ST6GAL1: variants seen among roughly 807,000 people sequenced by gnomAD.
The protein encoded by ST6GAL1 is ST6 beta-galactoside alpha-2,6-sialyltransferase 1, also known as beta-galactoside alpha-2,6-sialyltransferase 1.
ST6GAL1 carries 20 observed loss-of-function variants against 38.0 expected under a neutral mutation model. The observed-to-expected ratio is 0.53, with a 90% CI of 0.37 to 0.77. The LOEUF is 0.77. Among genes scored for constraint, ST6GAL1 ranks in the 30% least tolerant of loss-of-function variants. The pLI is 0.00. For synonymous variants in ST6GAL1, 196 were observed against 188.2 expected, an observed-to-expected ratio of 1.04 and a Z score of -0.34; for missense variants, 432 against 496.4, an observed-to-expected ratio of 0.87 and a Z score of 1.23.
In ST6GAL1 at chr3:186,954,969, AC is replaced by A. The variant is rs1218399484; in HGVS notation, c.-324-8815del. Reference sequence around the variant, plus strand: ...TAGGGTTTTTATAGTTTTGGGTTTTACATTTAAGTCTTTAATCCATCTTGAG... The same window carrying A: ...TAGGGTTTTTATAGTTTTGGGTTTTAATTTAAGTCTTTAATCCATCTTGAG... On this transcript the variant is annotated intron_variant, in intron 1 of 7. Transcript: ENST00000169298. 2.0e-5 allele frequency among the ~76,000 whole-genome samples: 3 copies of A among 152,290 alleles called. No individual in the cohort carries two copies. The East Asian group carries it at 5.8e-4, about 29-fold the overall frequency.
chr3:187,030,231 C>T (rs983693197), intron 2 of ST6GAL1, among the ~76,000 whole-genome samples: 5 of 152,060 alleles, frequency 3.3e-5, no homozygotes, highest in Non-Finnish European at 7.4e-5. Flanking sequence ...TAAGTGGGGT[C>T]ATAGGTAGCG....
At chr3:186,937,926 C>T (rs1433428409) in intron 1 of ST6GAL1, among the ~76,000 whole-genome samples, 2 of 151,958 alleles carry the variant, frequency 1.3e-5, no homozygotes, top group African/African-American at 4.8e-5. Context: ...TACAAAAAAA[C>T]AGCCAGGCGT....
intron 5 of ST6GAL1, among the ~76,000 whole-genome samples, chr3:187,071,076 C>T (rs79951218): frequency 0.032 from 4,902 of 152,160 alleles, 283 homozygotes; most frequent in African/African-American, 0.11. Context: ...GCACACAGGC[C>T]GTCTCTCTTG....
intron 2 of ST6GAL1, among the ~76,000 whole-genome samples, chr3:187,012,728 C>T (rs1716997404): frequency 3.9e-5 from 6 of 152,220 alleles, no homozygotes; most frequent in Admixed American, 3.9e-4. Context: ...GGGCTGCCAG[C>T]CTGCCTGTGA....
chr3:186,967,284 T>C (rs1043018984), intron 2 of ST6GAL1, among the ~76,000 whole-genome samples: 3 of 152,202 alleles, frequency 2.0e-5, no homozygotes, highest in African/African-American at 4.8e-5. Context: ...CTCCGCCTCC[T>C]GGGTTCAAGC....
intron 1 of ST6GAL1, among the ~76,000 whole-genome samples, chr3:186,950,502 AG>A (rs1714540185): frequency 1.3e-5 from 2 of 152,312 alleles, no homozygotes; most frequent in Admixed American, 1.3e-4. Flanking sequence ...GCCTCCTCAG[AG>A]GGAGTGGGAC....
chr3:186,948,557 G>C (rs1277359335), intron 1 of ST6GAL1: 3 of 153,318 alleles, frequency 2.0e-5, no homozygotes, highest in African/African-American at 4.9e-5. Context: ...GTGTGTGTGT[G>C]TGTGTGTGTG....
intron 2 of ST6GAL1, among the ~76,000 whole-genome samples, chr3:186,978,007 A>G (rs910013155): frequency 6.6e-6 from 1 of 152,082 alleles, no homozygotes; most frequent in Non-Finnish European, 1.5e-5. Flanking sequence ...TGAGGTCAGG[A>G]GTTCGAGACC....
At chr3:186,954,276 G>A (rs548527529) in intron 1 of ST6GAL1, among the ~76,000 whole-genome samples, 1 of 152,182 alleles carries the variant, frequency 6.6e-6, no homozygotes, top group East Asian at 1.9e-4. Flanking sequence ...ATTGTGAATA[G>A]TGCTGCGATG....
intron 2 of ST6GAL1, among the ~76,000 whole-genome samples, chr3:187,014,988 T>G (rs1233795891): frequency 6.6e-6 from 1 of 152,222 alleles, no homozygotes; most frequent in Non-Finnish European, 1.5e-5. Flanking sequence ...TCCTTATTGA[T>G]TCCACGAATA....
chr3:186,994,650 A>G (rs1716302027), intron 2 of ST6GAL1, among the ~76,000 whole-genome samples: 1 of 152,152 alleles, frequency 6.6e-6, no homozygotes, highest in Admixed American at 6.5e-5. Context: ...ATGTATATTT[A>G]AAAGATAGAG....
At position 187,076,096 on chromosome 3, in the gene ST6GAL1, A is replaced by G. The variant is rs139249171; in HGVS notation, c.*293A>G. 3.9e-4 allele frequency: 147 copies of G among 378,662 alleles called. No individual in the cohort carries two copies. The highest frequency in any genetic ancestry group is 1.9e-3 in the African/African-American group (92 of 49,526). The allele number at this position is 378,662 out of a possible 1,614,324, so 23.5% of individuals were successfully genotyped here. On this transcript the variant is annotated 3_prime_UTR_variant, in exon 8 of 8. Coordinates refer to ENST00000169298, the MANE Select transcript of ST6GAL1 (RefSeq NM_173216.2). ...TTCCACCTTGGTAGATGCAAGGTCT[A>G]TCTCTCCCATCAGGGCTGCCAAAGC... is the stretch of plus-strand genomic sequence containing the variant.
intron 2 of ST6GAL1, among the ~76,000 whole-genome samples, chr3:186,973,653 T>C (rs1715427015): frequency 6.6e-6 from 1 of 152,138 alleles, no homozygotes; most frequent in African/African-American, 2.4e-5. Flanking sequence ...GGTTTGTAGA[T>C]TGTTGTGAGG....
chr3:187,074,167 G>C lies in ST6GAL1; in HGVS notation c.813G>C (p.Gln271His). Residue 271 changes from glutamine to histidine, a missense_variant, in exon 7 of 8, where the codon CAG becomes CAC. Coordinates refer to ENST00000169298, the MANE Select transcript of ST6GAL1 (RefSeq NM_173216.2). ...VYHSDIPKWYQNPDYNFFNNY... is the reference protein window; with the variant it reads ...VYHSDIPKWYHNPDYNFFNNY... ...ACTTCTTTCTTTTTCAGTGGTACCA[G>C]AATCCGGATTATAATTTCTTTAACA... The C allele has an allele frequency of 2.5e-6, 4 of 1,605,810 alleles. No homozygotes were observed. The South Asian group carries it at 4.5e-5, about 18-fold the overall frequency.
chr3:187,018,189 T>G (rs1717181856), intron 2 of ST6GAL1, among the ~76,000 whole-genome samples: 1 of 152,158 alleles, frequency 6.6e-6, no homozygotes, highest in Non-Finnish European at 1.5e-5. Context: ...TTTACATTGT[T>G]TTTTTCCTGA....
At chr3:186,971,318 G>A (rs1236066602) in intron 2 of ST6GAL1, among the ~76,000 whole-genome samples, 3 of 152,166 alleles carry the variant, frequency 2.0e-5, no homozygotes, top group African/African-American at 4.8e-5. Context: ...GTCTGGTCTC[G>A]AACTCCTGAT....
chr3:186,960,568 C>G (rs1313297068), intron 1 of ST6GAL1, among the ~76,000 whole-genome samples: 2 of 151,866 alleles, frequency 1.3e-5, no homozygotes, highest in Non-Finnish European at 2.9e-5. Flanking sequence ...GGCCAGGAAG[C>G]ACGTGAGTAG....
chr3:187,023,608 T>C (rs1482766345), intron 2 of ST6GAL1, among the ~76,000 whole-genome samples: 3 of 152,080 alleles, frequency 2.0e-5, no homozygotes, highest in African/African-American at 4.8e-5. Flanking sequence ...AGCTGGAAAC[T>C]ATCATTCTCA....
intron 1 of ST6GAL1, among the ~76,000 whole-genome samples, chr3:186,938,725 A>G (rs1351976292): frequency 6.6e-6 from 1 of 152,246 alleles, no homozygotes. Context: ...TCAAACATAC[A>G]AAAGCACAAA....
Sources: gnomAD v4.1 joint callset for allele counts (sites outside exome capture counted in the v4.1 genomes callset) on GRCh38, gnomAD v4.1.1 for gene constraint, MANE v1.5 for transcripts, NCBI Gene and HGNC (gene_info 2026-07-23, HGNC 2026-07-21) for gene names.